Variants in EPHB2 observed in about 807,000 individuals in gnomAD.
EPHB2 encodes the protein EPH receptor B2.
A neutral mutation model predicts 96.4 loss-of-function variants in EPHB2; 18 were observed. The ratio of observed to expected loss-of-function variants is 0.19; its 90% CI spans 0.13 to 0.28. The LOEUF (loss-of-function observed/expected upper bound fraction) is 0.28, where lower values mean the gene tolerates loss of function less well. Among genes scored for constraint, EPHB2 ranks in the 10% least tolerant of loss-of-function variants. EPHB2 has a pLI of 1.00. For synonymous variants in EPHB2, 506 were observed against 534.1 expected (o/e 0.95, Z 0.72); for missense variants, 989 against 1,355.4 (o/e 0.73, Z 4.25).
intron 5 of EPHB2, among the ~76,000 whole-genome samples, chr1:22,868,782 A>T (rs1352739450): frequency 6.6e-6 from 1 of 152,164 alleles, no homozygotes; most frequent in East Asian, 1.9e-4. Context: ...TGGGTACCTA[A>T]TCCTATCACA....
At chr1:22,820,881 G>A (rs1645143620) in intron 3 of EPHB2, among the ~76,000 whole-genome samples, 2 of 152,180 alleles carry the variant, frequency 1.3e-5, no homozygotes, top group Non-Finnish European at 2.9e-5. Context: ...GGTGCTAGTA[G>A]AACTAGGACT....
intron 4 of EPHB2, 57 bp from the exon 5 acceptor site, chr1:22,864,817 TCAC>T: frequency 8.8e-7 from 1 of 1,138,986 alleles, no homozygotes; most frequent in Non-Finnish European, 1.3e-6. Context: ...CACAGAGTGG[TCAC>T]ATGGGGAATA....
chr1:22,794,537 T>G (rs1314974098), intron 3 of EPHB2, among the ~76,000 whole-genome samples: 1 of 152,128 alleles, frequency 6.6e-6, no homozygotes, highest in Admixed American at 6.5e-5. Flanking sequence ...ACTTGGCCAA[T>G]GTCACACCCC....
chr1:22,717,397 A>C (rs1342949712), intron 1 of EPHB2, among the ~76,000 whole-genome samples: 1 of 152,150 alleles, frequency 6.6e-6, no homozygotes, highest in Non-Finnish European at 1.5e-5. Context: ...CTGTCTCCCC[A>C]GTACCCCCGT....
intron 5 of EPHB2, among the ~76,000 whole-genome samples, chr1:22,881,422 T>C (rs1163760745): frequency 1.3e-5 from 2 of 151,352 alleles, no homozygotes; most frequent in Admixed American, 6.6e-5. Flanking sequence ...CCAGGCATGG[T>C]GGCGCACACC....
intron 1 of EPHB2, among the ~76,000 whole-genome samples, chr1:22,751,928 G>T (rs1391327579): frequency 6.6e-6 from 1 of 152,184 alleles, no homozygotes; most frequent in Admixed American, 6.5e-5. Flanking sequence ...CCAAGTTGGG[G>T]GCTGTCTTCT....
At chr1:22,762,416 G>T (rs1159728764) in intron 1 of EPHB2, among the ~76,000 whole-genome samples, 3 of 152,158 alleles carry the variant, frequency 2.0e-5, no homozygotes, top group African/African-American at 7.2e-5. Context: ...TCTTCTGGGG[G>T]CCTGGAAACC....
At chr1:22,756,700 C>A (rs1644157358) in intron 1 of EPHB2, among the ~76,000 whole-genome samples, 1 of 152,128 alleles carries the variant, frequency 6.6e-6, no homozygotes, top group African/African-American at 2.4e-5. Context: ...CCCACCCCAT[C>A]TCACTGGGCC....
Position 22,743,797 on chromosome 1 carries a change from C to T in EPHB2, c.61+32754C>T, listed in dbSNP as rs563228879. ...CCGGGAGGATTAAAGTAGATGATAGCCCCAAAGCTCTGAGTACAGTGCCTG... is the reference window on the plus strand; with the variant it reads ...CCGGGAGGATTAAAGTAGATGATAGTCCCAAAGCTCTGAGTACAGTGCCTG... On this transcript the variant is annotated intron_variant, in intron 1 of 15. Transcript: ENST00000374630. Among the ~76,000 whole-genome samples, 49 of 152,284 alleles carry T rather than the reference C, an allele frequency of 3.2e-4. No individual in the cohort carries two copies. The South Asian group carries it at 1.0e-2, about 31-fold the overall frequency.
rs892465312 is a variant in EPHB2 at position 22,914,025 on chromosome 1, C to A, written c.*455C>A. 22 of 981,130 alleles carry A rather than the reference C, an allele frequency of 2.2e-5. No homozygotes were observed. The highest frequency in any genetic ancestry group is 8.9e-5 in the Admixed American group (3 of 33,600). 60.8% of individuals were successfully genotyped at this position (981,130 alleles called of 1,614,324 possible). ...GACAGGGGCCGCCCTTGGCTCCTGT[C>A]CCTGCTGCTCCTCTAGGCCTCACTC... On this transcript the variant is annotated 3_prime_UTR_variant, in exon 16 of 16. Coordinates refer to ENST00000374630, the MANE Select transcript of EPHB2 (RefSeq NM_017449.5).
chr1:22,908,927 A>T lies in EPHB2; in HGVS notation c.2353-95A>T, dbSNP rs140729125. 62 of 1,555,316 alleles carry T rather than the reference A, an allele frequency of 4.0e-5. 1 individual carries two copies. In the East Asian group the frequency reaches 1.3e-3, roughly 34 times the overall value. Reference sequence around the variant, plus strand: ...GGGGCACAATGAGGTGCCTCATGAGATTGGGGCATCACAGGGCACAGGGTG... The same window carrying T: ...GGGGCACAATGAGGTGCCTCATGAGTTTGGGGCATCACAGGGCACAGGGTG... On this transcript the variant is annotated intron_variant, in intron 12 of 15. Coordinates refer to ENST00000374630, the MANE Select transcript of EPHB2 (RefSeq NM_017449.5).
intron 3 of EPHB2, among the ~76,000 whole-genome samples, chr1:22,812,664 C>G (rs1645019902): frequency 6.6e-6 from 1 of 152,228 alleles, no homozygotes; most frequent in African/African-American, 2.4e-5. Context: ...GCCTCAGGCT[C>G]TCTGAGCCTC....
intron 3 of EPHB2, among the ~76,000 whole-genome samples, chr1:22,809,250 C>G (rs74061032): frequency 1.3e-5 from 2 of 152,162 alleles, no homozygotes; most frequent in Non-Finnish European, 2.9e-5. Context: ...GGAAAATTAA[C>G]GAGCTGCTCC....
At chr1:22,884,331 C>G (rs944278179) in intron 6 of EPHB2, among the ~76,000 whole-genome samples, 2 of 151,730 alleles carry the variant, frequency 1.3e-5, no homozygotes, top group Non-Finnish European at 2.9e-5. Context: ...CATAGCAAAA[C>G]CCCATCTCTA....
intron 3 of EPHB2, among the ~76,000 whole-genome samples, chr1:22,796,313 G>C (rs1247431794): frequency 6.6e-6 from 1 of 152,162 alleles, no homozygotes; most frequent in Non-Finnish European, 1.5e-5. Context: ...TGCGGGGTGG[G>C]CTGGCCTGGG....
At chr1:22,765,491 A>G (rs1249482123) in intron 1 of EPHB2, among the ~76,000 whole-genome samples, 4 of 148,474 alleles carry the variant, frequency 2.7e-5, no homozygotes, top group South Asian at 2.1e-4. Context: ...AGGTTGCAGT[A>G]AGCCAAGATG....
chr1:22,908,413 A>G (rs981132114), intron 12 of EPHB2, among the ~76,000 whole-genome samples: 2 of 152,268 alleles, frequency 1.3e-5, no homozygotes, highest in African/African-American at 4.8e-5. Context: ...TTGGAGGCAG[A>G]GGAAGGCTTG....
intron 1 of EPHB2, among the ~76,000 whole-genome samples, chr1:22,742,274 C>T (rs902401495): frequency 2.6e-5 from 4 of 152,112 alleles, no homozygotes; most frequent in Non-Finnish European, 5.9e-5. Flanking sequence ...CAGAGTGAGA[C>T]AGGTTGGAGA....
chr1:22,756,870 C>T (rs969973284), intron 1 of EPHB2, among the ~76,000 whole-genome samples: 14 of 152,110 alleles, frequency 9.2e-5, no homozygotes, highest in African/African-American at 2.9e-4. Context: ...GTCTATGATA[C>T]GAAAGCAGTT....
Sources: allele counts gnomAD v4.1 joint callset (sites outside exome capture counted in the v4.1 genomes callset), GRCh38; gene constraint gnomAD v4.1.1; transcripts MANE v1.5; gene names NCBI Gene and HGNC (gene_info 2026-07-23, HGNC 2026-07-21).